The following PAAF1 variants were observed in gnomAD, a reference collection of about 807,000 sequenced individuals.
The protein encoded by PAAF1 is proteasomal ATPase associated factor 1, also known as proteasomal ATPase-associated factor 1.
In PAAF1, 46 loss-of-function variants were observed where a neutral mutation model predicts 52.8. That is an observed-to-expected ratio of 0.87 (90% CI 0.69 to 1.11). The LOEUF is 1.11. Among genes scored for constraint, PAAF1 ranks in the 50% most tolerant of loss-of-function variants. The pLI is 0.00. For missense variants in PAAF1, 424 were observed against 477.4 expected (o/e 0.89, Z 1.04); for synonymous variants, 178 against 172.8 (o/e 1.03, Z -0.24).
At chr11:73,927,080 G>A (rs1373836950) in intron 11 of PAAF1, among the ~76,000 whole-genome samples, 1 of 152,098 alleles carries the variant, frequency 6.6e-6, no homozygotes, top group African/African-American at 2.4e-5. Flanking sequence ...TATAGTCATG[G>A]TGCATCCCAA....
At chr11:73,888,658 T>G (rs939615766) in intron 3 of PAAF1, 2 of 157,428 alleles carry the variant, frequency 1.3e-5, no homozygotes, top group Admixed American at 6.5e-5. Flanking sequence ...TTAGCAAATG[T>G]TCATTCATTA....
At chr11:73,900,586 C>T (rs998740158) in intron 6 of PAAF1, among the ~76,000 whole-genome samples, 166 bp downstream of exon 6, 2 of 152,204 alleles carry the variant, frequency 1.3e-5, no homozygotes, top group African/African-American at 4.8e-5. Context: ...CTTTGCCACA[C>T]AGTCTTTTTA....
chr11:73,918,703 T>C (rs1697631566), intron 9 of PAAF1, among the ~76,000 whole-genome samples: 1 of 152,126 alleles, frequency 6.6e-6, no homozygotes, highest in African/African-American at 2.4e-5. Flanking sequence ...CTTCAACCCA[T>C]GTCATACCTA....
chr11:73,900,559 C>T, intron 6 of PAAF1, 139 bp downstream of exon 6: 2 of 966,276 alleles, frequency 2.1e-6, no homozygotes, highest in Non-Finnish European at 2.9e-6. Flanking sequence ...TGCCATTTCC[C>T]TAAGGACCAG....
At chr11:73,907,096 T>C (rs1421058921) in intron 6 of PAAF1, among the ~76,000 whole-genome samples, 2 of 152,114 alleles carry the variant, frequency 1.3e-5, no homozygotes, top group Non-Finnish European at 1.5e-5. Flanking sequence ...TTTTTTTCCA[T>C]TGTAAGTCTT....
intron 11 of PAAF1, among the ~76,000 whole-genome samples, chr11:73,925,486 A>T (rs1231248656): frequency 6.6e-6 from 1 of 151,174 alleles, no homozygotes; most frequent in Non-Finnish European, 1.5e-5. Flanking sequence ...AAAAAAAGTG[A>T]CTTCATCACT....
chr11:73,896,876 A>C (rs1256915630), intron 4 of PAAF1, among the ~76,000 whole-genome samples: 1 of 144,050 alleles, frequency 6.9e-6, no homozygotes, highest in Non-Finnish European at 1.5e-5. Flanking sequence ...AGGCGCGGCC[A>C]GGCAGAGGCG....
At chr11:73,892,752 T>C (rs7934784) in intron 4 of PAAF1, among the ~76,000 whole-genome samples, 78,900 of 151,994 alleles carry the variant, frequency 0.52, 22,198 homozygotes, top group African/African-American at 0.75. Context: ...CTCCACCTCC[T>C]GGGTTCACAC....
At chr11:73,889,123 T>G in intron 3 of PAAF1, 1 of 1,335,180 alleles carries the variant, frequency 7.5e-7, no homozygotes, top group Non-Finnish European at 1.0e-6. Flanking sequence ...TTTTCCCAGG[T>G]GTTTTGGCAC....
chr11:73,918,533 G>A (rs1208860509), intron 9 of PAAF1, among the ~76,000 whole-genome samples: 1 of 149,404 alleles, frequency 6.7e-6, no homozygotes, highest in Non-Finnish European at 1.5e-5. Flanking sequence ...TTGGAGTGCA[G>A]TGGCGCGATC....
intron 2 of PAAF1, among the ~76,000 whole-genome samples, chr11:73,882,961 A>G (rs1948959280): frequency 6.6e-6 from 1 of 151,984 alleles, no homozygotes; most frequent in Admixed American, 6.6e-5. Context: ...GTACAGTTGC[A>G]TGATTATGGC....
At chr11:73,921,498 C>G (rs1158433903) in intron 10 of PAAF1, among the ~76,000 whole-genome samples, 1 of 152,102 alleles carries the variant, frequency 6.6e-6, no homozygotes, top group Non-Finnish European at 1.5e-5. Context: ...AACCCACTTT[C>G]TTTTCTCCCA....
intron 2 of PAAF1, 132 bp from the exon 3 acceptor site, chr11:73,887,222 A>C: frequency 5.1e-6 from 3 of 588,714 alleles, no homozygotes; most frequent in Non-Finnish European, 8.9e-6. Context: ...CTTTTAACAC[A>C]GGCACCTGTT....
rs890022768 is a variant in PAAF1 at position 73,930,753 on chromosome 11, GAAAAA to G, written c.*3397_*3401del. 1 of 133,740 alleles carries G rather than the reference GAAAAA, an allele frequency of 7.5e-6. No homozygotes were observed. Among genetic ancestry groups the G allele is most frequent in the African/African-American group, 2.8e-5 (1 of 36,150 alleles). 8.3% of individuals were successfully genotyped at this position (133,740 alleles called of 1,614,324 possible). ...CAGAGCGAGACTCTCTCTCAAAAAA[GAAAAA>G]AAAAATATGTATATATATATGTATA... On this transcript the variant is annotated 3_prime_UTR_variant, in exon 12 of 12. Transcript: ENST00000310571.
At chr11:73,888,525 G>A (rs924453315) in intron 3 of PAAF1, among the ~76,000 whole-genome samples, 1 of 152,150 alleles carries the variant, frequency 6.6e-6, no homozygotes, top group African/African-American at 2.4e-5. Context: ...AGATGATTCC[G>A]TAAGGGTGGA....
intron 2 of PAAF1, among the ~76,000 whole-genome samples, chr11:73,885,207 C>T (rs551179235): frequency 4.0e-5 from 6 of 151,730 alleles, no homozygotes; most frequent in Non-Finnish European, 7.4e-5. Flanking sequence ...GGCGTGGTCT[C>T]GGCTCACTGC....
At chr11:73,915,022 T>C (rs1382879033) in intron 8 of PAAF1, among the ~76,000 whole-genome samples, 1 of 152,096 alleles carries the variant, frequency 6.6e-6, no homozygotes, top group African/African-American at 2.4e-5. Flanking sequence ...CCAGTTCTTG[T>C]GCAGCACTTG....
intron 2 of PAAF1, among the ~76,000 whole-genome samples, chr11:73,886,134 C>T (rs535217832): frequency 6.6e-6 from 1 of 152,222 alleles, no homozygotes; most frequent in South Asian, 2.1e-4. Flanking sequence ...CTTACTTAGC[C>T]CATATCTCTG....
In PAAF1 at chr11:73,886,672, C is replaced by CAA. The variant is rs55697916; in HGVS notation, c.89-657_89-656dup. On this transcript the variant is annotated intron_variant, in intron 2 of 11. Transcript: ENST00000310571. ...TGGGCGACAGAGCAAGACTCCATCT[C>CAA]AAAAAAAAAAAAAAAAAAAAAAAAA... 6.2e-3 allele frequency among the ~76,000 whole-genome samples: 212 copies of CAA among 34,220 alleles called. 24 individuals carry two copies. Among genetic ancestry groups the CAA allele is most frequent in the African/African-American group, 0.016 (164 of 10,470 alleles). 22.4% of individuals were successfully genotyped at this position (34,220 alleles called of 152,430 possible).
Sources: allele counts gnomAD v4.1 joint callset (sites outside exome capture counted in the v4.1 genomes callset), GRCh38; gene constraint gnomAD v4.1.1; transcripts MANE v1.5; gene names NCBI Gene and HGNC (gene_info 2026-07-23, HGNC 2026-07-21).